PCM1: variants seen among roughly 807,000 people sequenced by gnomAD.
The protein encoded by PCM1 is pericentriolar material 1.
A neutral mutation model predicts 241.9 loss-of-function variants in PCM1; 157 were observed. That is an observed-to-expected ratio of 0.65 (90% confidence interval 0.57 to 0.74). The LOEUF (loss-of-function observed/expected upper bound fraction) is 0.74. Among genes scored for constraint, PCM1 ranks in the 30% least tolerant of loss-of-function variants. The pLI, the probability that PCM1 is intolerant of heterozygous loss-of-function variation, is 0.00. For synonymous variants in PCM1, 1,085 were observed against 784.9 expected, an observed-to-expected ratio of 1.38 and a Z score of -6.39; for missense variants, 3,478 against 2,360.1, an observed-to-expected ratio of 1.47 and a Z score of -9.81.
At position 18,006,418 on chromosome 8, in the gene PCM1, G is replaced by C. The variant is rs988772200; in HGVS notation, c.4962+21G>C. ...TACAGGTAAGAGTTTATACTTGTAT[G>C]ATTTACCAATATGTACTGTGTGGTA... On this transcript the variant is annotated intron_variant, in intron 30 of 38. Transcript: ENST00000325083. The C allele has an allele frequency of 3.8e-6, 6 of 1,565,814 alleles. No individual in the cohort carries two copies. The African/African-American group carries it at 4.1e-5, about 11-fold the overall frequency.
chr8:17,938,010 T>C (rs936835408), intron 4 of PCM1, among the ~76,000 whole-genome samples: 1 of 152,176 alleles, frequency 6.6e-6, no homozygotes, highest in Non-Finnish European at 1.5e-5. Flanking sequence ...CTGAATACTT[T>C]TTCAGACAGT....
chr8:18,025,561 A>T lies in PCM1; in HGVS notation c.5952A>T (p.Lys1984Asn). The change falls in exon 38 of 39, where the codon AAA becomes AAT. Residue 1984 changes from lysine (K) to asparagine (N), a missense_variant. Transcript: ENST00000325083. The stretch of plus-strand genomic sequence containing the variant: ...TTCCAAAGGCAGATCTAAGAAAGAA[A>T]ATGGTAGAAGAAGAACAGAAAAACC... ...TIYSEADLRKKMVEEEQKNHL... is the reference protein window; with the variant it reads ...TIYSEADLRKNMVEEEQKNHL... The T allele has an allele frequency of 6.3e-7, 1 of 1,581,600 alleles. No homozygotes were observed.
chr8:18,020,384 T>C (rs2093657103), intron 36 of PCM1, among the ~76,000 whole-genome samples: 1 of 152,188 alleles, frequency 6.6e-6, no homozygotes, highest in Non-Finnish European at 1.5e-5. Context: ...GAAAGCTCAT[T>C]ACCTTCCAGT....
chr8:17,994,314 TTAACA>T (rs1053904558), intron 29 of PCM1, among the ~76,000 whole-genome samples: 136 of 152,208 alleles, frequency 8.9e-4, no homozygotes, highest in Non-Finnish European at 1.4e-3. Context: ...CTAACTTCAC[TTAACA>T]TAATGACCTC....
rs1450420205 is a variant in PCM1 at position 17,983,416 on chromosome 8, G to T, written c.4109-2031G>T. 1.2e-5 allele frequency: 4 copies of T among 327,748 alleles called. No homozygotes were observed. In the East Asian group the frequency reaches 2.8e-4, roughly 23 times the overall value. The allele number at this position is 327,748 out of a possible 1,614,324, so 20.3% of individuals were successfully genotyped here. ...AGAGTATATATGTTATGTGACTATTGTAAAAGATAATTTATATTCATAAAA... is the reference window on the plus strand; with the variant it reads ...AGAGTATATATGTTATGTGACTATTTTAAAAGATAATTTATATTCATAAAA... On this transcript the variant is annotated intron_variant, in intron 24 of 38. Transcript: ENST00000325083.
intron 23 of PCM1, among the ~76,000 whole-genome samples, chr8:17,975,936 C>G (rs1484918876): frequency 1.3e-5 from 2 of 152,146 alleles, no homozygotes; most frequent in East Asian, 3.8e-4. Context: ...TTTCTGTTAT[C>G]AGACCTATAA....
rs558210293 is a variant in PCM1 at position 18,023,853 on chromosome 8, A to G, written c.5842-1508A>G. Among the ~76,000 whole-genome samples, 17 of 152,318 alleles carry G rather than the reference A, an allele frequency of 1.1e-4. No homozygotes were observed. In the South Asian group the frequency reaches 3.1e-3, roughly 28 times the overall value. On this transcript the variant is annotated intron_variant, in intron 36 of 38. Coordinates refer to ENST00000325083, the MANE Select transcript of PCM1 (RefSeq NM_006197.4). ...ACTGTGTAAACTTGATGGAGGGTGC[A>G]TGACTGAATCCCAACATAACTTTTG...
intron 38 of PCM1, among the ~76,000 whole-genome samples, chr8:18,026,450 C>T (rs571470570): frequency 1.3e-4 from 20 of 151,020 alleles, no homozygotes; most frequent in Non-Finnish European, 2.4e-4. Context: ...TAAGTAGAGA[C>T]GGGGTTTCAC....
Position 18,028,596 on chromosome 8 carries a change from T to A in PCM1, c.*934T>A, listed in dbSNP as rs1047113809. The A allele has an allele frequency of 4.8e-6, 1 of 207,294 alleles. No individual in the cohort carries two copies. Among genetic ancestry groups the A allele is most frequent in the Non-Finnish European group, 9.8e-6 (1 of 101,632 alleles). The allele number at this position is 207,294 out of a possible 1,614,324, so 12.8% of individuals were successfully genotyped here. A position where few individuals can be genotyped will look rare whatever the true frequency, so the allele number is the denominator to read the frequency against. On this transcript the variant is annotated 3_prime_UTR_variant, in exon 39 of 39. Coordinates refer to ENST00000325083, the MANE Select transcript of PCM1 (RefSeq NM_006197.4). ...GCAGTTTCTTTTGTGTGTAGTGAGG[T>A]TGAAGCAGATTTGCAGGTGAAGTAT...
chr8:17,992,861 C>T (rs1433739123), intron 28 of PCM1, among the ~76,000 whole-genome samples: 1 of 151,804 alleles, frequency 6.6e-6, no homozygotes, highest in Non-Finnish European at 1.5e-5. Flanking sequence ...AAGTGATCTG[C>T]CCACCTCAGC....
intron 25 of PCM1, 22 bp from the exon 26 acceptor site, chr8:17,985,937 A>C (rs1420293897): frequency 1.4e-6 from 2 of 1,423,604 alleles, no homozygotes; most frequent in Non-Finnish European, 1.9e-6. Context: ...TATATAAATG[A>C]TGATCTTATT....
At chr8:17,936,389 A>G (rs945773589) in intron 3 of PCM1, among the ~76,000 whole-genome samples, 5 of 152,190 alleles carry the variant, frequency 3.3e-5, no homozygotes, top group South Asian at 2.1e-4. Flanking sequence ...TACTAGTACT[A>G]AAAGAATTTT....
At chr8:17,976,733 C>T (rs1427858947) in intron 23 of PCM1, among the ~76,000 whole-genome samples, 1 of 152,156 alleles carries the variant, frequency 6.6e-6, no homozygotes, top group Non-Finnish European at 1.5e-5. Context: ...CTGAGAAAAA[C>T]AGAATGAGAA....
At chr8:17,947,056 C>G (rs192018191) in intron 6 of PCM1, 130 bp from the exon 7 acceptor site, 2 of 550,044 alleles carry the variant, frequency 3.6e-6, no homozygotes, top group Non-Finnish European at 6.5e-6. Context: ...TTCTTGATGT[C>G]TACTAAAACT....
rs1260167225 is a variant in PCM1, at chr8:17,993,507, G to C, written c.4715G>C (p.Ser1572Thr). 1.3e-6 allele frequency: 2 copies of C among 1,576,476 alleles called. No individual in the cohort carries two copies. Among genetic ancestry groups the C allele is most frequent in the Non-Finnish European group, 8.6e-7 (1 of 1,162,096 alleles). ...GAAACTCCCGTTATTGAAAATCGTAGTTCACAACAACCTGTAAGTGAAGTT... is the reference window on the plus strand; with the variant it reads ...GAAACTCCCGTTATTGAAAATCGTACTTCACAACAACCTGTAAGTGAAGTT... The part of the protein sequence containing the change: ...LEETPVIENR[S>T]SQQPVSEVST... Residue 1572 changes from serine (S) to threonine (T), a missense_variant, in exon 29 of 39, where the codon AGT (serine) becomes ACT (threonine). Transcript: ENST00000325083.
At chr8:17,926,519 A>G (rs896259828) in intron 2 of PCM1, 24 of 152,226 alleles carry the variant, frequency 1.6e-4, no homozygotes, top group African/African-American at 5.8e-4. Context: ...TGTAGAGTGT[A>G]GTATATCTTA....
Position 17,939,369 on chromosome 8 carries a change from T to A in PCM1, c.613-322T>A, listed in dbSNP as rs1383412979. Among the ~76,000 whole-genome samples the A allele has an allele frequency of 6.0e-5, 7 of 116,246 alleles. No individual in the cohort carries two copies. The South Asian group carries it at 1.8e-3, about 31-fold the overall frequency. The allele number at this position is 116,246 out of a possible 152,430, so 76.3% of individuals were successfully genotyped here. A position where few individuals can be genotyped will look rare whatever the true frequency, so the allele number is the denominator to read the frequency against. ...GTTGTAAAACTATAATACATTTAAT[T>A]AATTTATAAACATTAGGAAAATTTA... On this transcript the variant is annotated intron_variant, in intron 5 of 38. Transcript: ENST00000325083.
Position 18,025,672 on chromosome 8 carries a change from ATTT to A in PCM1, c.6049+15_6049+17del. On this transcript the variant is annotated intron_variant, in intron 38 of 38. Coordinates refer to ENST00000325083, the MANE Select transcript of PCM1 (RefSeq NM_006197.4). ...TAAAAGAACCTGGTAAGAGTTATCA[ATTT>A]AAATCTTGCCATATTGAAAAATCAT... 1 of 1,377,556 alleles carries A rather than the reference ATTT, an allele frequency of 7.3e-7. No homozygotes were observed. 85.3% of individuals were successfully genotyped at this position (1,377,556 alleles called of 1,614,324 possible). A position where few individuals can be genotyped will look rare whatever the true frequency, so the allele number is the denominator to read the frequency against.
Position 17,938,951 on chromosome 8 carries a change from A to C in PCM1, c.554A>C (p.Gln185Pro), listed in dbSNP as rs373825160. ...TCTGCTTTAAGTAATGACCTCTTGC[A>C]AAACTGTCAGGTGTCTGAAGAAGAT... The part of the protein sequence containing the change: ...FASALSNDLL[Q>P]NCQVSEEDGR... Residue 185 changes from glutamine (Q) to proline (P), a missense_variant, in exon 5 of 39, where the codon CAA (glutamine) becomes CCA (proline). Coordinates refer to ENST00000325083, the MANE Select transcript of PCM1 (RefSeq NM_006197.4). 5 of 1,613,786 alleles carry C rather than the reference A, an allele frequency of 3.1e-6. No homozygotes were observed. In the East Asian group the frequency reaches 1.1e-4, roughly 36 times the overall value.
Sources: allele counts gnomAD v4.1 joint callset (sites outside exome capture counted in the v4.1 genomes callset), GRCh38; gene constraint gnomAD v4.1.1; transcripts MANE v1.5; gene names NCBI Gene and HGNC (gene_info 2026-07-23, HGNC 2026-07-21).